Variants in LRBA observed in about 807,000 individuals in gnomAD.
LRBA encodes the protein lipopolysaccharide-responsive and beige-like anchor protein.
LRBA carries 176 observed loss-of-function variants against 330.0 expected under a neutral mutation model. The observed-to-expected ratio is 0.53, with a 90% CI of 0.47 to 0.60. The LOEUF is 0.60. LRBA is among the 20% of genes least tolerant of loss of function. The pLI is 0.00. For missense variants in LRBA, 3,259 were observed against 3,444.8 expected (o/e 0.95, Z 1.35); for synonymous variants, 1,230 against 1,193.0 (o/e 1.03, Z -0.64).
chr4:150,767,629 G>T (rs1053158612), intron 34 of LRBA, among the ~76,000 whole-genome samples: 3 of 151,268 alleles, frequency 2.0e-5, no homozygotes, highest in African/African-American at 7.3e-5. Context: ...ATGGTGGCGG[G>T]TGCCTGTAGT....
At chr4:150,368,956 T>C (rs904217086) in intron 47 of LRBA, among the ~76,000 whole-genome samples, 3 of 152,270 alleles carry the variant, frequency 2.0e-5, no homozygotes, top group Middle Eastern at 3.4e-3. Context: ...TGATGGTGTA[T>C]GGACTGTGGG....
intron 37 of LRBA, among the ~76,000 whole-genome samples, chr4:150,626,521 T>C (rs1332196337): frequency 6.6e-6 from 1 of 152,118 alleles, no homozygotes; most frequent in Non-Finnish European, 1.5e-5. Context: ...ATTTTCAGTA[T>C]CACATACCAT....
chr4:150,783,790 A>G (rs1738616235), intron 34 of LRBA, among the ~76,000 whole-genome samples: 2 of 152,236 alleles, frequency 1.3e-5, no homozygotes, highest in African/African-American at 4.8e-5. Flanking sequence ...TGCTTAACAC[A>G]TATGTCTCAT....
intron 44 of LRBA, among the ~76,000 whole-genome samples, chr4:150,442,877 T>C (rs1752015605): frequency 6.6e-6 from 1 of 152,170 alleles, no homozygotes; most frequent in East Asian, 1.9e-4. Context: ...TCATAAAAGA[T>C]GGTCATTCTT....
chr4:150,462,051 C>T (rs543372533), intron 44 of LRBA, among the ~76,000 whole-genome samples: 18 of 151,818 alleles, frequency 1.2e-4, no homozygotes, highest in East Asian at 7.7e-4. Flanking sequence ...TATATTCCTG[C>T]GCTGATTATA....
intron 35 of LRBA, among the ~76,000 whole-genome samples, chr4:150,757,940 A>C (rs186494452): frequency 6.6e-6 from 1 of 152,314 alleles, no homozygotes; most frequent in African/African-American, 2.4e-5. Flanking sequence ...AAAAAATCTC[A>C]ACAGAATAAG....
Position 150,583,169 on chromosome 4 carries a change from T to C in LRBA, c.6330+4879A>G, listed in dbSNP as rs766437407. On this transcript the variant is annotated intron_variant, in intron 40 of 56. Coordinates refer to ENST00000651943, the MANE Select transcript of LRBA (RefSeq NM_001364905.1). The surrounding 1 kb of genome is among the most constrained non-coding windows in gnomAD (Gnocchi z 9.8). The stretch of plus-strand genomic sequence containing the variant: ...TCGGACGTGCTCAAGGAAGTGGAGG[T>C]GCAGGAGCCTCGCTTCATCAGCTCC... 4.4e-5 allele frequency: 71 copies of C among 1,613,956 alleles called. 1 individual carries two copies. In the South Asian group the frequency reaches 7.6e-4, roughly 17 times the overall value.
At chr4:150,543,607 T>A (rs920175855) in intron 40 of LRBA, among the ~76,000 whole-genome samples, 1 of 152,148 alleles carries the variant, frequency 6.6e-6, no homozygotes, top group African/African-American at 2.4e-5. Flanking sequence ...ATAATCTCAC[T>A]ACCAGAAAAA....
At chr4:150,831,089 T>G (rs1021564803) in intron 29 of LRBA, among the ~76,000 whole-genome samples, 5 of 152,106 alleles carry the variant, frequency 3.3e-5, no homozygotes, top group African/African-American at 1.2e-4. Context: ...AAAACATAAA[T>G]TGTAACTCCT....
chr4:150,545,191 C>T (rs1057485077), intron 40 of LRBA, among the ~76,000 whole-genome samples: 1 of 152,102 alleles, frequency 6.6e-6, no homozygotes, highest in Non-Finnish European at 1.5e-5. Context: ...ATACCATAAT[C>T]AAGGTAATCT....
chr4:150,502,714 T>G (rs1760444786), intron 40 of LRBA, among the ~76,000 whole-genome samples: 1 of 152,196 alleles, frequency 6.6e-6, no homozygotes, highest in Non-Finnish European at 1.5e-5. Context: ...TGCAGGACAG[T>G]GGGTGCAGCG....
At chr4:151,009,836 T>G (rs917295890) in intron 2 of LRBA, among the ~76,000 whole-genome samples, 2 of 151,560 alleles carry the variant, frequency 1.3e-5, no homozygotes, top group African/African-American at 4.8e-5. Flanking sequence ...AAAAATTAGC[T>G]GGGCGTGGTG....
intron 37 of LRBA, among the ~76,000 whole-genome samples, chr4:150,643,905 G>T (rs1417035167): frequency 6.6e-6 from 1 of 151,892 alleles, no homozygotes; most frequent in South Asian, 2.1e-4. Context: ...GGTACTATCT[G>T]CTGGTTTTGC....
chr4:150,496,288 C>T (rs1180289266), intron 40 of LRBA, among the ~76,000 whole-genome samples: 1 of 151,928 alleles, frequency 6.6e-6, no homozygotes, highest in Non-Finnish European at 1.5e-5. Flanking sequence ...TTCCCTTTAC[C>T]AGTCCATTTG....
chr4:150,341,103 G>A (rs867585427), intron 48 of LRBA, among the ~76,000 whole-genome samples: 1 of 152,086 alleles, frequency 6.6e-6, no homozygotes, highest in Non-Finnish European at 1.5e-5. Flanking sequence ...GTATGGTGGC[G>A]GCTTGAACTA....
intron 44 of LRBA, among the ~76,000 whole-genome samples, chr4:150,440,087 C>T (rs192590714): frequency 1.3e-5 from 2 of 152,236 alleles, no homozygotes; most frequent in East Asian, 3.9e-4. Context: ...TGGGAAGATG[C>T]TAGCACCATC....
chr4:150,914,346 A>C lies in LRBA; in HGVS notation c.1015-5T>G. On this transcript the variant is annotated splice_polypyrimidine_tract_variant and splice_region_variant and intron_variant, in intron 8 of 56. Coordinates refer to ENST00000651943, the MANE Select transcript of LRBA (RefSeq NM_001364905.1). ...CAGGAAACATTTGTCAAAGGTCTGT[A>C]AAAGAAAAAAAAAAAGGAATTAGGA... 1 of 1,495,890 alleles carries C rather than the reference A, an allele frequency of 6.7e-7. No homozygotes were observed. The highest frequency in any genetic ancestry group is 8.9e-7 in the Non-Finnish European group (1 of 1,119,580). 92.7% of individuals were successfully genotyped at this position (1,495,890 alleles called of 1,614,324 possible). A position where few individuals can be genotyped will look rare whatever the true frequency, so the allele number is the denominator to read the frequency against.
At chr4:150,740,827 T>C (rs946117444) in intron 35 of LRBA, among the ~76,000 whole-genome samples, 1 of 151,904 alleles carries the variant, frequency 6.6e-6, no homozygotes, top group Non-Finnish European at 1.5e-5. Flanking sequence ...CTATAGAAAA[T>C]GTAAACAAAC....
intron 37 of LRBA, among the ~76,000 whole-genome samples, chr4:150,616,725 C>A: frequency 6.6e-6 from 1 of 152,108 alleles, no homozygotes; most frequent in Non-Finnish European, 1.5e-5. Flanking sequence ...AGAAATAAAT[C>A]TTTCAGTTAT....
Sources: allele counts gnomAD v4.1 joint callset (sites outside exome capture counted in the v4.1 genomes callset), GRCh38; gene constraint gnomAD v4.1.1; non-coding constraint Gnocchi (gnomAD v3.1); transcripts MANE v1.5; gene names NCBI Gene and HGNC (gene_info 2026-07-23, HGNC 2026-07-21).